The following TRMT11 variants were observed in gnomAD, a reference collection of about 807,000 sequenced individuals.
The protein encoded by TRMT11 is tRNA (guanine(10)-N(2))-methyltransferase TRMT11.
In TRMT11, 53 loss-of-function variants were observed where a neutral mutation model predicts 62.8. The observed-to-expected ratio is 0.84, with a 90% CI of 0.68 to 1.06. The LOEUF (loss-of-function observed/expected upper bound fraction) is 1.06, where lower values mean the gene tolerates loss of function less well. TRMT11 is among the 50% of genes least tolerant of loss of function. The pLI is 0.00. For missense variants in TRMT11, 556 were observed against 553.4 expected, an observed-to-expected ratio of 1.00 and a Z score of -0.05; for synonymous variants, 188 against 190.3, an observed-to-expected ratio of 0.99 and a Z score of 0.10.
rs117152922 is a variant in TRMT11, at chr6:126,072,598, G to A, written c.*1437+19408G>A. ...ATCAGAACAATTACATTTTATATGT[G>A]TATCTTAGTTCAGTTCAGGCTGCTA... On this transcript the variant is annotated intron_variant and NMD_transcript_variant, in intron 17 of 22. Transcript: ENST00000648977. Among the ~76,000 whole-genome samples, 165 of 152,290 alleles carry A rather than the reference G, an allele frequency of 1.1e-3. 2 individuals are homozygous for A. The East Asian group carries it at 0.015, about 14-fold the overall frequency.
intron 16 of TRMT11, among the ~76,000 whole-genome samples, chr6:126,050,977 T>C (rs1776199755): frequency 6.6e-6 from 1 of 152,146 alleles, no homozygotes; most frequent in South Asian, 2.1e-4. Context: ...TAGCAAGGCA[T>C]CAAGTGCAGT....
intron 17 of TRMT11, among the ~76,000 whole-genome samples, chr6:126,060,650 G>T (rs1776509010): frequency 6.6e-6 from 1 of 152,246 alleles, no homozygotes; most frequent in African/African-American, 2.4e-5. Context: ...AGTCACTGCT[G>T]GAGGTGAGGA....
the TRMT11 span, among the ~76,000 whole-genome samples, chr6:126,254,308 T>C: frequency 2.6e-5 from 4 of 152,212 alleles, no homozygotes; most frequent in African/African-American, 7.2e-5. Flanking sequence ...TGAGTCAACA[T>C]TGTACATTTC....
chr6:126,172,135 G>A (rs929722634), intron 21 of TRMT11, among the ~76,000 whole-genome samples: 33 of 152,060 alleles, frequency 2.2e-4, no homozygotes, highest in African/African-American at 7.7e-4. Flanking sequence ...TAAAAAAAAA[G>A]GTATTTTCCC....
At chr6:126,072,592 A>G (rs969532970) in intron 17 of TRMT11, among the ~76,000 whole-genome samples, 2 of 152,222 alleles carry the variant, frequency 1.3e-5, no homozygotes, top group African/African-American at 4.8e-5. Context: ...ATTACATTTT[A>G]TATGTGTATC....
chr6:126,020,044 C>T (rs1243184369), intron 11 of TRMT11, among the ~76,000 whole-genome samples: 1 of 152,098 alleles, frequency 6.6e-6, no homozygotes, highest in Non-Finnish European at 1.5e-5. Flanking sequence ...TGGGTTTGAG[C>T]ATATGGTTGA....
At chr6:126,262,591 G>T in the TRMT11 span, among the ~76,000 whole-genome samples, 3 of 152,162 alleles carry the variant, frequency 2.0e-5, no homozygotes, top group South Asian at 2.1e-4. Context: ...TAGGGGCTCA[G>T]TGTAGGCTCC....
chr6:126,157,491 T>A (rs1352328029), intron 21 of TRMT11, among the ~76,000 whole-genome samples: 5 of 152,200 alleles, frequency 3.3e-5, no homozygotes, highest in Non-Finnish European at 5.9e-5. Flanking sequence ...TGTAAACTGA[T>A]TGATGACTGC....
intron 17 of TRMT11, among the ~76,000 whole-genome samples, chr6:126,107,342 T>C (rs1176877769): frequency 2.6e-5 from 4 of 152,172 alleles, no homozygotes; most frequent in African/African-American, 9.7e-5. Flanking sequence ...CAAAACAGTC[T>C]GAAATACTCG....
downstream of TRMT11, among the ~76,000 whole-genome samples, chr6:126,039,942 G>T (rs962758860): frequency 1.3e-5 from 2 of 152,040 alleles, no homozygotes; most frequent in Non-Finnish European, 2.9e-5. Context: ...TCTTTTTCTT[G>T]TCTTGCAGTT....
At chr6:126,031,398 G>C (rs1001438591) in intron 12 of TRMT11, among the ~76,000 whole-genome samples, 1 of 152,136 alleles carries the variant, frequency 6.6e-6, no homozygotes, top group East Asian at 1.9e-4. Flanking sequence ...ACAGACTAAG[G>C]CTTCTTATCC....
chr6:126,158,207 T>C (rs1778143086), intron 21 of TRMT11, among the ~76,000 whole-genome samples: 1 of 152,334 alleles, frequency 6.6e-6, no homozygotes, highest in East Asian at 1.9e-4. Context: ...ATTTGATCAG[T>C]CTTTTGAAAC....
intron 21 of TRMT11, among the ~76,000 whole-genome samples, chr6:126,160,658 A>G (rs1038565082): frequency 2.6e-5 from 4 of 152,056 alleles, no homozygotes. Flanking sequence ...CTTGACCAGC[A>G]TTACTTCCTT....
At chr6:126,182,895 C>T (rs1304290658) in intron 1 of TRMT11, among the ~76,000 whole-genome samples, 5 of 152,032 alleles carry the variant, frequency 3.3e-5, no homozygotes, top group Non-Finnish European at 7.4e-5. Context: ...CCTGGCTGCA[C>T]CCACTGATAA....
At chr6:126,187,913 C>G (rs1019315034) in intron 1 of TRMT11, among the ~76,000 whole-genome samples, 3 of 151,262 alleles carry the variant, frequency 2.0e-5, no homozygotes, top group Non-Finnish European at 4.4e-5. Flanking sequence ...GAACAATTCA[C>G]TATTCTTTTG....
intron 11 of TRMT11, among the ~76,000 whole-genome samples, chr6:126,019,433 T>G (rs886586302): frequency 6.6e-6 from 1 of 152,216 alleles, no homozygotes; most frequent in Non-Finnish European, 1.5e-5. Flanking sequence ...TGGATTTGAT[T>G]GATAAATTTG....
At chr6:125,992,980 G>C (rs1233812229) in intron 1 of TRMT11, among the ~76,000 whole-genome samples, 1 of 152,172 alleles carries the variant, frequency 6.6e-6, no homozygotes, top group Non-Finnish European at 1.5e-5. Context: ...TCTGGGTATA[G>C]TTTCCCTTTT....
chr6:126,197,459 A>AT (rs1264279572), intron 1 of TRMT11, among the ~76,000 whole-genome samples: 6 of 152,144 alleles, frequency 3.9e-5, no homozygotes, highest in African/African-American at 1.4e-4. Context: ...TAATAGGAAC[A>AT]TTTTCCCATG....
chr6:126,029,285 A>T (rs1773751904), intron 12 of TRMT11, among the ~76,000 whole-genome samples: 1 of 152,168 alleles, frequency 6.6e-6, no homozygotes, highest in African/African-American at 2.4e-5. Flanking sequence ...TGTACACTTT[A>T]GTAATTATAA....
Sources: allele counts gnomAD v4.1 joint callset (sites outside exome capture counted in the v4.1 genomes callset), GRCh38; gene constraint gnomAD v4.1.1; transcripts MANE v1.5; gene names NCBI Gene and HGNC (gene_info 2026-07-23, HGNC 2026-07-21).